Variants in NRG4 observed in about 807,000 individuals in gnomAD.
NRG4 encodes pro-neuregulin-4, membrane-bound isoform.
A neutral mutation model predicts 15.0 loss-of-function variants in NRG4; 10 were observed. That is an observed-to-expected ratio of 0.67 (90% confidence interval 0.41 to 1.13). The LOEUF is 1.13. NRG4 is among the 50% of genes most tolerant of loss of function. The probability of loss-of-function intolerance (pLI) is 0.00; values close to 1 mark genes in which losing one functional copy is unlikely to be tolerated. For synonymous variants in NRG4, 41 were observed against 50.1 expected (o/e 0.82, Z 0.77); for missense variants, 139 against 140.2 (o/e 0.99, Z 0.04).
At chr15:76,008,368 C>A (rs557602579) in intron 3 of NRG4, among the ~76,000 whole-genome samples, 1 of 152,260 alleles carries the variant, frequency 6.6e-6, no homozygotes, top group African/African-American at 2.4e-5. Flanking sequence ...GTATCTTTAA[C>A]TTTTCCTATG....
Position 75,983,417 on chromosome 15 carries a change from C to T in NRG4, c.105-21443G>A, listed in dbSNP as rs181626761. 3.3e-5 allele frequency among the ~76,000 whole-genome samples: 5 copies of T among 152,240 alleles called. No homozygotes were observed. The East Asian group carries it at 9.6e-4, about 29-fold the overall frequency. On this transcript the variant is annotated intron_variant, in intron 3 of 5. Coordinates refer to ENST00000394907, the MANE Select transcript of NRG4 (RefSeq NM_138573.4). Reference sequence around the variant, plus strand: ...TCAGATTTCCTGGAAAAAGTAAAGACATTCCCATCAAAGTTAAAAAACAAT... The same window carrying T: ...TCAGATTTCCTGGAAAAAGTAAAGATATTCCCATCAAAGTTAAAAAACAAT...
intron 3 of NRG4, among the ~76,000 whole-genome samples, chr15:75,997,988 C>T (rs2034275693): frequency 6.6e-6 from 1 of 152,210 alleles, no homozygotes; most frequent in Non-Finnish European, 1.5e-5. Flanking sequence ...ATGGCTAATT[C>T]TACCCAGAAA....
At chr15:75,938,226 T>C (rs2030570933), downstream of NRG4, 1 of 152,198 alleles carries the variant, frequency 6.6e-6, no homozygotes, top group Admixed American at 6.5e-5. Flanking sequence ...ACAGAAGGAA[T>C]AGTCTTTTAT....
At chr15:75,996,721 C>G (rs1372091170) in intron 3 of NRG4, among the ~76,000 whole-genome samples, 1 of 151,996 alleles carries the variant, frequency 6.6e-6, no homozygotes, top group East Asian at 1.9e-4. Context: ...TTTATTATTA[C>G]TACATTTGTT....
chr15:76,000,031 C>T (rs1267054915), intron 3 of NRG4, among the ~76,000 whole-genome samples: 2 of 152,090 alleles, frequency 1.3e-5, no homozygotes, highest in Non-Finnish European at 2.9e-5. Flanking sequence ...TTACAGGTGC[C>T]TGCCACCACA....
intron 1 of NRG4, among the ~76,000 whole-genome samples, chr15:76,057,687 A>G (rs1417230802): frequency 1.3e-5 from 2 of 152,180 alleles, no homozygotes; most frequent in African/African-American, 4.8e-5. Flanking sequence ...ACACTACAAC[A>G]TGAAATGGTT....
At chr15:75,949,392 CAAAAA>C (rs59154521) in intron 5 of NRG4, among the ~76,000 whole-genome samples, 1,638 of 144,070 alleles carry the variant, frequency 0.011, 10 homozygotes, top group African/African-American at 0.021. Flanking sequence ...GCCTGGGTGA[CAAAAA>C]AAAAAAAAAA....
chr15:76,025,559 A>G (rs537130507), intron 5 of NRG4, among the ~76,000 whole-genome samples: 17 of 152,282 alleles, frequency 1.1e-4, no homozygotes, highest in Admixed American at 2.6e-4. Flanking sequence ...CTGAAGCTGA[A>G]GGATTCAATT....
At chr15:76,000,208 C>T (rs1478415731) in intron 3 of NRG4, among the ~76,000 whole-genome samples, 2 of 151,986 alleles carry the variant, frequency 1.3e-5, no homozygotes, top group Non-Finnish European at 2.9e-5. Context: ...AAAACTATGA[C>T]TCGAACTTGA....
intron 5 of NRG4, among the ~76,000 whole-genome samples, chr15:75,952,771 T>G (rs1329949105): frequency 6.6e-6 from 1 of 152,156 alleles, no homozygotes; most frequent in Admixed American, 6.5e-5. Flanking sequence ...TGATTGTCTT[T>G]TCATGAGATT....
intron 5 of NRG4, among the ~76,000 whole-genome samples, chr15:76,031,371 G>A (rs1596044581): frequency 6.6e-6 from 1 of 152,070 alleles, no homozygotes; most frequent in Non-Finnish European, 1.5e-5. Context: ...TAGCACATTA[G>A]GACAATAAAA....
intron 4 of NRG4, among the ~76,000 whole-genome samples, chr15:76,042,552 GC>G (rs1158472056): frequency 4.0e-5 from 6 of 150,982 alleles, no homozygotes; most frequent in Non-Finnish European, 1.5e-5. Flanking sequence ...AAATTGAAAA[GC>G]CAAGAAGAAA....
intron 1 of NRG4, among the ~76,000 whole-genome samples, chr15:76,059,221 T>TC (rs1596073557): frequency 6.6e-6 from 1 of 152,102 alleles, no homozygotes; most frequent in East Asian, 1.9e-4. Flanking sequence ...CCTACAAGGG[T>TC]CCTGAGCTGA....
At chr15:75,937,245 C>T (rs954279733), downstream of NRG4, 1 of 150,448 alleles carries the variant, frequency 6.6e-6, no homozygotes, top group Non-Finnish European at 1.5e-5. Context: ...CGTGGTGGCT[C>T]ACGCCTGTAA....
chr15:76,018,172 C>T (rs1047419233), intron 5 of NRG4, among the ~76,000 whole-genome samples: 4 of 152,120 alleles, frequency 2.6e-5, no homozygotes, highest in African/African-American at 9.7e-5. Flanking sequence ...TTTTTCAGCT[C>T]AATCAGGTCA....
rs537874690 is a variant in NRG4 at position 75,986,634 on chromosome 15, A to C, written c.104+22566T>G. 1.0e-3 allele frequency among the ~76,000 whole-genome samples: 156 copies of C among 152,366 alleles called. 1 individual carries two copies. In the Middle Eastern group the frequency reaches 0.027, roughly 27 times the overall value. ...ATATATGTTAGAAGTGGGTGGAAAT[A>C]ACAATTTTTACTATAAACCTTTTAT... On this transcript the variant is annotated intron_variant, in intron 3 of 5. Coordinates refer to ENST00000394907, the MANE Select transcript of NRG4 (RefSeq NM_138573.4).
At chr15:76,025,241 C>A (rs2035277325) in intron 5 of NRG4, among the ~76,000 whole-genome samples, 2 of 151,826 alleles carry the variant, frequency 1.3e-5, no homozygotes, top group African/African-American at 4.8e-5. Flanking sequence ...AGATCGAGAC[C>A]ATCCTGGCTA....
In NRG4 at chr15:75,942,296, T is replaced by G. The variant is rs78460277; in HGVS notation, c.*1342A>C. On this transcript the variant is annotated 3_prime_UTR_variant, in exon 6 of 6. Transcript: ENST00000394907. ...CATACAACAAAAAGAGGACCCTTCA[T>G]GTAAATTACAGGCTTCAGCTAGCCT... 6,016 of 152,184 alleles carry G rather than the reference T, an allele frequency of 0.04. 214 individuals carry two copies. Among genetic ancestry groups the G allele is most frequent in the African/African-American group, 0.094 (3,907 of 41,508 alleles). The allele number at this position is 152,184 out of a possible 1,614,324, so 9.4% of individuals were successfully genotyped here. A position where few individuals can be genotyped will look rare whatever the true frequency, so the allele number is the denominator to read the frequency against.
chr15:75,971,901 G>A (rs2033112631), intron 3 of NRG4, among the ~76,000 whole-genome samples: 1 of 152,180 alleles, frequency 6.6e-6, no homozygotes, highest in Non-Finnish European at 1.5e-5. Flanking sequence ...GGATTGCTGG[G>A]TCAAATGGCA....
Sources: allele counts gnomAD v4.1 joint callset (sites outside exome capture counted in the v4.1 genomes callset), GRCh38; gene constraint gnomAD v4.1.1; transcripts MANE v1.5; gene names NCBI Gene and HGNC (gene_info 2026-07-23, HGNC 2026-07-21).